The following TRIP12 variants were observed in gnomAD, a reference collection of about 807,000 sequenced individuals.
TRIP12 encodes the protein E3 ubiquitin-protein ligase TRIP12.
A neutral mutation model predicts 244.2 loss-of-function variants in TRIP12; 25 were observed. The observed-to-expected ratio is 0.10, with a 90% CI of 0.07 to 0.14. TRIP12 has a LOEUF of 0.14. Ranked by LOEUF, TRIP12 falls within the 10% of genes least tolerant of loss-of-function variation. The pLI is 1.00. For synonymous variants in TRIP12, 905 were observed against 873.1 expected (o/e 1.04, Z -0.64); for missense variants, 1,677 against 2,486.4 (o/e 0.67, Z 6.92).
chr2:229,799,401 T>G lies in TRIP12; in HGVS notation c.3207-18A>C. ...TTAATCGACTGTCCATGGGAAAATATGAGATAAGTTTAGCAATTACCACTG... is the reference window on the plus strand; with the variant it reads ...TTAATCGACTGTCCATGGGAAAATAGGAGATAAGTTTAGCAATTACCACTG... On this transcript the variant is annotated intron_variant, in intron 21 of 41. Coordinates refer to ENST00000675903, the MANE Select transcript of TRIP12 (RefSeq NM_001348323.3). 1 of 1,608,886 alleles carries G rather than the reference T, an allele frequency of 6.2e-7. No homozygotes were observed. Among genetic ancestry groups the G allele is most frequent in the Non-Finnish European group, 8.5e-7 (1 of 1,175,236 alleles).
chr2:229,824,818 A>G (rs937666304), intron 8 of TRIP12, among the ~76,000 whole-genome samples: 2 of 152,248 alleles, frequency 1.3e-5, no homozygotes, highest in African/African-American at 4.8e-5. Context: ...AAGATTATTT[A>G]TGTGAGAGGA....
intron 1 of TRIP12, among the ~76,000 whole-genome samples, chr2:229,882,410 T>C (rs2065062043): frequency 6.6e-6 from 1 of 152,300 alleles, no homozygotes; most frequent in African/African-American, 2.4e-5. Context: ...TGGGAAGCTT[T>C]GTCAAAATAT....
intron 20 of TRIP12, among the ~76,000 whole-genome samples, chr2:229,803,329 G>T (rs1020226281): frequency 1.6e-4 from 25 of 152,190 alleles, no homozygotes; most frequent in Non-Finnish European, 2.9e-5. Flanking sequence ...GGCCAGGCTG[G>T]TCTCCAACTC....
intron 4 of TRIP12, among the ~76,000 whole-genome samples, chr2:229,843,798 G>C (rs2057017793): frequency 6.6e-6 from 1 of 152,108 alleles, no homozygotes; most frequent in Non-Finnish European, 1.5e-5. Flanking sequence ...AGCTGACGCG[G>C]GAGGATCCCT....
intron 1 of TRIP12, among the ~76,000 whole-genome samples, chr2:229,890,342 C>G (rs2067033467): frequency 6.6e-6 from 1 of 152,070 alleles, no homozygotes; most frequent in Admixed American, 6.6e-5. Context: ...GGCCTCCATC[C>G]ACCTGCCTCG....
intron 2 of TRIP12, among the ~76,000 whole-genome samples, chr2:229,870,209 A>C (rs1359856038): frequency 1.3e-5 from 2 of 152,238 alleles, no homozygotes; most frequent in African/African-American, 4.8e-5. Flanking sequence ...AAAAACCATG[A>C]AGAACATTAT....
At chr2:229,786,385 G>A (rs1219668200) in intron 33 of TRIP12, among the ~76,000 whole-genome samples, 1 of 141,208 alleles carries the variant, frequency 7.1e-6, no homozygotes, top group Admixed American at 7.7e-5. Flanking sequence ...ATAAAGATAC[G>A]AATAGGATGA....
In TRIP12 at chr2:229,785,866, A is replaced by C; in HGVS notation, c.4996-11T>G. The C allele has an allele frequency of 6.2e-7, 1 of 1,605,666 alleles. No individual in the cohort carries two copies. The highest frequency in any genetic ancestry group is 8.5e-7 in the Non-Finnish European group (1 of 1,176,334). ...TCGGTTCACAGTACGCTACAAAGAA[A>C]GTACAACTGTCAGGAAACTATGCTC... is the stretch of plus-strand genomic sequence containing the variant. On this transcript the variant is annotated splice_polypyrimidine_tract_variant and intron_variant, in intron 33 of 41. Coordinates refer to ENST00000675903, the MANE Select transcript of TRIP12 (RefSeq NM_001348323.3).
intron 8 of TRIP12, among the ~76,000 whole-genome samples, chr2:229,826,795 T>C (rs1472886268): frequency 6.6e-6 from 1 of 152,046 alleles, no homozygotes; most frequent in Non-Finnish European, 1.5e-5. Flanking sequence ...AGAGTAAAAA[T>C]ATGATATAAA....
At chr2:229,787,368 C>T in intron 33 of TRIP12, 137 bp downstream of exon 33, 3 of 816,692 alleles carry the variant, frequency 3.7e-6, no homozygotes, top group Non-Finnish European at 5.4e-6. Flanking sequence ...TTCCAAGAGA[C>T]TGAAAGGAAA....
At chr2:229,920,475 G>T (rs894949321) in intron 1 of TRIP12, among the ~76,000 whole-genome samples, 2 of 151,900 alleles carry the variant, frequency 1.3e-5, no homozygotes, top group Non-Finnish European at 1.5e-5. Flanking sequence ...GCCTCCCCCC[G>T]CACCGGCCCA....
chr2:229,778,384 C>A lies in TRIP12; in HGVS notation c.5364+49G>T. On this transcript the variant is annotated intron_variant, in intron 36 of 41. Coordinates refer to ENST00000675903, the MANE Select transcript of TRIP12 (RefSeq NM_001348323.3). The surrounding 1 kb of genome is among the most constrained non-coding windows in gnomAD (Gnocchi z 4.1). ...ACTACAGGGGACTGAGGTACTTGCA[C>A]AGAACATTCTACACCAAAACTGCAA... The A allele has an allele frequency of 6.2e-7, 1 of 1,608,298 alleles. No individual in the cohort carries two copies.
chr2:229,781,300 G>GAA (rs2154249006), intron 34 of TRIP12, among the ~76,000 whole-genome samples: 1 of 152,322 alleles, frequency 6.6e-6, no homozygotes, highest in South Asian at 2.1e-4. Flanking sequence ...CCCAGAAACA[G>GAA]AAAAACAAAA....
intron 17 of TRIP12, 46 bp from the exon 18 acceptor site, chr2:229,805,929 C>A: frequency 1.4e-6 from 2 of 1,451,948 alleles, no homozygotes; most frequent in South Asian, 2.8e-5. Context: ...ATTGAGAAAT[C>A]TATTACCTTA....
chr2:229,895,967 C>CA (rs2068705699), intron 1 of TRIP12, among the ~76,000 whole-genome samples: 1 of 151,998 alleles, frequency 6.6e-6, no homozygotes, highest in East Asian at 1.9e-4. Context: ...GCCTGGGCAA[C>CA]AGAGTGAGAC....
rs758512266 is a variant in TRIP12, at chr2:229,771,509, A to G, written c.5808+10T>C. On this transcript the variant is annotated intron_variant, in intron 39 of 41. Transcript: ENST00000675903. ...GGTATGACCATTTCTTTTAGATATA[A>G]GCTACTCACTTCCTCCGGGTAGAAG... is the stretch of plus-strand genomic sequence containing the variant. 2 of 1,601,614 alleles carry G rather than the reference A, an allele frequency of 1.2e-6. No homozygotes were observed. Among genetic ancestry groups the G allele is most frequent in the Admixed American group, 1.7e-5 (1 of 59,948 alleles).
chr2:229,841,408 T>C (rs137866040), intron 4 of TRIP12, among the ~76,000 whole-genome samples: 38 of 152,288 alleles, frequency 2.5e-4, no homozygotes, highest in African/African-American at 7.2e-4. Context: ...TACATGCACT[T>C]GGACTGAAGG....
intron 2 of TRIP12, among the ~76,000 whole-genome samples, chr2:229,866,983 A>G (rs1054905961): frequency 6.6e-6 from 1 of 152,126 alleles, no homozygotes; most frequent in Non-Finnish European, 1.5e-5. Context: ...ATCAGAAAAT[A>G]TGGATGAAAG....
At position 229,767,464 on chromosome 2, in the gene TRIP12, T is replaced by C. The variant is rs1226391195; in HGVS notation, c.*90A>G. The C allele has an allele frequency of 5.5e-6, 8 of 1,442,340 alleles. No homozygotes were observed. The African/African-American group carries it at 1.1e-4, about 21-fold the overall frequency. 89.3% of individuals were successfully genotyped at this position (1,442,340 alleles called of 1,614,324 possible). A position where few individuals can be genotyped will look rare whatever the true frequency, so the allele number is the denominator to read the frequency against. On this transcript the variant is annotated 3_prime_UTR_variant, in exon 42 of 42. Coordinates refer to ENST00000675903, the MANE Select transcript of TRIP12 (RefSeq NM_001348323.3). ...TTTCCTACAACAAGAAGGCGTAACA[T>C]GTTTCCTTGACTCAGGTGATAACAT... is the stretch of plus-strand genomic sequence containing the variant.
Sources: allele counts gnomAD v4.1 joint callset (sites outside exome capture counted in the v4.1 genomes callset), GRCh38; gene constraint gnomAD v4.1.1; non-coding constraint Gnocchi (gnomAD v3.1); transcripts MANE v1.5; gene names NCBI Gene and HGNC (gene_info 2026-07-23, HGNC 2026-07-21).